The following DNM3 variants were observed in gnomAD, a reference collection of about 807,000 sequenced individuals.
DNM3 encodes dynamin-3.
A neutral mutation model predicts 101.6 loss-of-function variants in DNM3; 47 were observed. The observed-to-expected ratio is 0.46, with a 90% CI of 0.37 to 0.59. The LOEUF is 0.59. DNM3 is among the 20% of genes least tolerant of loss of function. DNM3 has a pLI of 0.00. For missense variants in DNM3, 849 were observed against 1,085.7 expected (o/e 0.78, Z 3.06); for synonymous variants, 385 against 387.9 (o/e 0.99, Z 0.09).
intron 14 of DNM3, among the ~76,000 whole-genome samples, chr1:172,222,979 G>C (rs1475582019): frequency 1.3e-5 from 2 of 151,786 alleles, no homozygotes; most frequent in Non-Finnish European, 2.9e-5. Flanking sequence ...ATATACTATG[G>C]GGTGTAATGT....
intron 2 of DNM3, among the ~76,000 whole-genome samples, chr1:171,950,072 C>CA (rs1267424938): frequency 6.6e-6 from 1 of 151,808 alleles, no homozygotes; most frequent in African/African-American, 2.4e-5. Flanking sequence ...TACAACTTAG[C>CA]AATAAAAAGG....
intron 1 of DNM3, among the ~76,000 whole-genome samples, chr1:171,876,368 T>C (rs1396694419): frequency 6.6e-6 from 1 of 151,892 alleles, no homozygotes; most frequent in Admixed American, 6.6e-5. Flanking sequence ...CTTCTTCCAA[T>C]GTTCTTTCCT....
At chr1:172,396,103 C>T (rs945951724) in intron 20 of DNM3, among the ~76,000 whole-genome samples, 2 of 152,204 alleles carry the variant, frequency 1.3e-5, no homozygotes, top group Admixed American at 1.3e-4. Context: ...ATAGGCAAAA[C>T]CACAAATAGC....
chr1:172,185,556 G>C (rs1176276037), intron 14 of DNM3, among the ~76,000 whole-genome samples: 1 of 152,114 alleles, frequency 6.6e-6, no homozygotes, highest in Admixed American at 6.6e-5. Context: ...ATTCCAAAGA[G>C]CCTCTGAGGG....
At chr1:172,319,685 C>A (rs957617801) in intron 16 of DNM3, among the ~76,000 whole-genome samples, 1,633 of 152,236 alleles carry the variant, frequency 0.011, 30 homozygotes, top group African/African-American at 0.036. Flanking sequence ...CAATGAGATA[C>A]CATCTCACAC....
chr1:171,946,158 G>T (rs2042161987), intron 2 of DNM3, among the ~76,000 whole-genome samples: 1 of 152,190 alleles, frequency 6.6e-6, no homozygotes. Flanking sequence ...AGACCATATT[G>T]TTAGGAAGCA....
intron 1 of DNM3, among the ~76,000 whole-genome samples, chr1:171,882,722 C>T (rs1471941816): frequency 1.3e-5 from 2 of 152,028 alleles, no homozygotes; most frequent in Admixed American, 1.3e-4. Flanking sequence ...CATTTTCTTT[C>T]ATGACATTGA....
intron 14 of DNM3, among the ~76,000 whole-genome samples, chr1:172,183,435 G>A (rs1286242198): frequency 6.6e-6 from 1 of 152,032 alleles, no homozygotes; most frequent in Non-Finnish European, 1.5e-5. Flanking sequence ...AATTATCTGT[G>A]TACCAGTATA....
At chr1:171,886,167 G>A (rs970993222) in intron 1 of DNM3, among the ~76,000 whole-genome samples, 2 of 152,320 alleles carry the variant, frequency 1.3e-5, no homozygotes, top group East Asian at 3.9e-4. Flanking sequence ...GTTGGTTCTT[G>A]TAAATACATG....
intron 17 of DNM3, among the ~76,000 whole-genome samples, chr1:172,335,421 T>C (rs1037621959): frequency 6.6e-6 from 1 of 152,170 alleles, no homozygotes; most frequent in Non-Finnish European, 1.5e-5. Context: ...GTTATAATTA[T>C]GATGAATTAT....
intron 20 of DNM3, among the ~76,000 whole-genome samples, chr1:172,398,545 T>A (rs1359095653): frequency 6.6e-6 from 1 of 152,218 alleles, no homozygotes; most frequent in Non-Finnish European, 1.5e-5. Context: ...AAATGATATC[T>A]GCTTGGCCCA....
intron 10 of DNM3, among the ~76,000 whole-genome samples, chr1:172,060,163 A>T (rs1210741984): frequency 7.0e-6 from 1 of 143,394 alleles, no homozygotes; most frequent in Non-Finnish European, 1.5e-5. Flanking sequence ...CTCTTCAAGG[A>T]GAACTACAAA....
At chr1:171,971,604 A>G (rs1369708069) in intron 2 of DNM3, among the ~76,000 whole-genome samples, 6 of 152,160 alleles carry the variant, frequency 3.9e-5, no homozygotes, top group African/African-American at 1.4e-4. Context: ...AATTGAAAGG[A>G]TATATTACAG....
At chr1:172,398,332 T>C (rs2070189530) in intron 20 of DNM3, among the ~76,000 whole-genome samples, 1 of 152,198 alleles carries the variant, frequency 6.6e-6, no homozygotes, top group African/African-American at 2.4e-5. Flanking sequence ...CTGCTAGCTG[T>C]GTTTGGCAGG....
intron 14 of DNM3, among the ~76,000 whole-genome samples, chr1:172,131,979 G>A (rs1572646588): frequency 6.6e-6 from 1 of 152,118 alleles, no homozygotes; most frequent in Non-Finnish European, 1.5e-5. Context: ...GCTAGAAATC[G>A]ATACCATTAA....
chr1:172,051,405 T>C (rs1448193718), intron 10 of DNM3, among the ~76,000 whole-genome samples: 1 of 152,188 alleles, frequency 6.6e-6, no homozygotes, highest in Non-Finnish European at 1.5e-5. Flanking sequence ...AACGTGGAAG[T>C]GTTCAGTGTC....
At position 171,970,763 on chromosome 1, in the gene DNM3, AAC is replaced by A. The variant is rs530645114; in HGVS notation, c.236-16892_236-16891del. 9.0e-4 allele frequency among the ~76,000 whole-genome samples: 119 copies of A among 131,500 alleles called. No individual in the cohort carries two copies. The East Asian group carries it at 0.016, about 17-fold the overall frequency. The allele number at this position is 131,500 out of a possible 152,430, so 86.3% of individuals were successfully genotyped here. On this transcript the variant is annotated intron_variant, in intron 2 of 20. Coordinates refer to ENST00000627582, the MANE Select transcript of DNM3 (RefSeq NM_015569.5). ...TGTGTATACAACTAACATTCCTTCTAACTTTTTACTGGTCACTGTTTTTCAAT... is the reference window on the plus strand; with the variant it reads ...TGTGTATACAACTAACATTCCTTCTATTTTTACTGGTCACTGTTTTTCAAT...
chr1:172,390,113 ACT>A (rs774851299), intron 20 of DNM3, among the ~76,000 whole-genome samples: 79 of 152,194 alleles, frequency 5.2e-4, no homozygotes, highest in Non-Finnish European at 1.0e-3. Flanking sequence ...ATATATACAC[ACT>A]CTCAATCCAA....
At chr1:172,145,995 T>C (rs963281441) in intron 14 of DNM3, among the ~76,000 whole-genome samples, 4 of 152,138 alleles carry the variant, frequency 2.6e-5, no homozygotes, top group African/African-American at 9.7e-5. Context: ...CTCCATAGGA[T>C]TCTGATCAAA....
Sources: allele counts gnomAD v4.1 joint callset (sites outside exome capture counted in the v4.1 genomes callset), GRCh38; gene constraint gnomAD v4.1.1; transcripts MANE v1.5; gene names NCBI Gene and HGNC (gene_info 2026-07-23, HGNC 2026-07-21).